The following DMBT1 variants were observed in gnomAD, a reference collection of about 807,000 sequenced individuals.
The protein encoded by DMBT1 is deleted in malignant brain tumors 1.
In DMBT1, 198 loss-of-function variants were observed where a neutral mutation model predicts 252.9. The ratio of observed to expected loss-of-function variants is 0.78; its 90% CI spans 0.70 to 0.88. DMBT1 has a LOEUF of 0.88. DMBT1 is among the 40% of genes least tolerant of loss of function. The pLI is 0.00. For synonymous variants in DMBT1, 990 were observed against 942.7 expected (o/e 1.05, Z -0.92); for missense variants, 2,432 against 2,404.7 (o/e 1.01, Z -0.24).
intron 2 of DMBT1, among the ~76,000 whole-genome samples, chr10:122,569,200 C>T (rs527315407): frequency 3.9e-5 from 6 of 152,272 alleles, no homozygotes; most frequent in Admixed American, 1.3e-4. Context: ...AGCAGCATCA[C>T]GACCACCCCC....
rs146398572 is a variant in DMBT1, at chr10:122,574,427, G to A, written c.283+665G>A. 7.7e-3 allele frequency among the ~76,000 whole-genome samples: 1,170 copies of A among 152,224 alleles called. 14 individuals are homozygous for A. The highest frequency in any genetic ancestry group is 0.025 in the African/African-American group (1,048 of 41,542). ...ACAACATTCTCACCAAGGCCTCTGC[G>A]CTGCCCAGGGTTGGCATGCAGTTGG... On this transcript the variant is annotated intron_variant, in intron 6 of 55. Coordinates refer to ENST00000338354, the MANE Select transcript of DMBT1 (RefSeq NM_001377530.1).
rs2097843816 is a variant in DMBT1, at chr10:122,590,796, T to C, written c.2137+102T>C. 3 of 1,395,632 alleles carry C rather than the reference T, an allele frequency of 2.1e-6. 1 individual carries two copies. The highest frequency in any genetic ancestry group is 1.8e-5 in the Admixed American group (1 of 56,976). The allele number at this position is 1,395,632 out of a possible 1,614,324, so 86.5% of individuals were successfully genotyped here. A position where few individuals can be genotyped will look rare whatever the true frequency, so the allele number is the denominator to read the frequency against. On this transcript the variant is annotated intron_variant, in intron 18 of 55. Transcript: ENST00000338354. ...CTCCTTCTTACCTGTGTGGATACTGTGGGTCATACTATTTTCCCTGCTCTG... is the reference window on the plus strand; with the variant it reads ...CTCCTTCTTACCTGTGTGGATACTGCGGGTCATACTATTTTCCCTGCTCTG...
chr10:122,568,379 G>A (rs1176102097), intron 2 of DMBT1, among the ~76,000 whole-genome samples: 1 of 152,130 alleles, frequency 6.6e-6, no homozygotes, highest in Non-Finnish European at 1.5e-5. Flanking sequence ...CTTCTGGAAA[G>A]TTCTCAGAGT....
chr10:122,572,172 G>A, intron 4 of DMBT1, 142 bp from the exon 5 acceptor site: 3 of 1,137,328 alleles, frequency 2.6e-6, no homozygotes, highest in Non-Finnish European at 4.0e-6. Flanking sequence ...CAGAGTGATT[G>A]GCACATGGTT....
chr10:122,565,874 T>G, intron 1 of DMBT1, 93 bp from the exon 2 acceptor site: 1 of 1,239,766 alleles, frequency 8.1e-7, no homozygotes. Context: ...CGCCCTCTGG[T>G]GTGATTGTAC....
rs766318975 is a variant in DMBT1 at position 122,586,186 on chromosome 10, A to G, written c.1586A>G (p.Asn529Ser). The G allele has an allele frequency of 1.3e-6, 2 of 1,589,240 alleles. No homozygotes were observed. Among genetic ancestry groups the G allele is most frequent in the Non-Finnish European group, 1.7e-6 (2 of 1,166,114 alleles). Reference protein sequence around the residue: ...CDDSWDTNDANVVCRQLGCGW... With the variant: ...CDDSWDTNDASVVCRQLGCGW... The stretch of plus-strand genomic sequence containing the variant: ...GACAGCTGGGACACCAATGATGCCA[A>G]TGTGGTCTGCAGGCAGCTGGGCTGT... The change falls in exon 16 of 56, where the codon AAT becomes AGT. Residue 529 changes from asparagine to serine, a missense_variant. Physicochemically the swap from Asn to Ser is conservative, Grantham distance 46. Around this residue, in one of 3 missense-constraint regions of DMBT1, gnomAD observed 1,264 missense variants for 1,082.2 expected, o/e 1.17. Transcript: ENST00000338354.
intron 25 of DMBT1, 38 bp downstream of exon 25, chr10:122,598,050 C>T: frequency 6.2e-7 from 1 of 1,613,508 alleles, no homozygotes; most frequent in Non-Finnish European, 8.5e-7. Context: ...GGCTCACTCT[C>T]TACCTCTGGA....
At chr10:122,627,208 C>T (rs1225037804) in intron 46 of DMBT1, among the ~76,000 whole-genome samples, 1 of 152,184 alleles carries the variant, frequency 6.6e-6, no homozygotes. Context: ...ATAATGTATC[C>T]TTATTATCTA....
intron 53 of DMBT1, among the ~76,000 whole-genome samples, 192 bp downstream of exon 53, chr10:122,636,391 A>G (rs1024598924): frequency 6.6e-6 from 1 of 152,242 alleles, no homozygotes; most frequent in African/African-American, 2.4e-5. Flanking sequence ...AGTCAGGGCT[A>G]GAACTGGCTG....
At chr10:122,642,199 G>T (rs2742222) in intron 55 of DMBT1, among the ~76,000 whole-genome samples, 1 of 151,198 alleles carries the variant, frequency 6.6e-6, no homozygotes, top group Non-Finnish European at 1.5e-5. Flanking sequence ...AAACAAAAAA[G>T]AAAACTTGGT....
intron 7 of DMBT1, among the ~76,000 whole-genome samples, chr10:122,577,429 T>C (rs2097722459): frequency 6.6e-6 from 1 of 152,136 alleles, no homozygotes; most frequent in South Asian, 2.1e-4. Context: ...GGGGACCTCC[T>C]AGAGTATCAC....
In DMBT1 at chr10:122,642,979, A is replaced by T. The variant is rs77416776; in HGVS notation, c.7353-143A>T. The T allele has an allele frequency of 0.042, 47,310 of 1,124,934 alleles. 1,486 individuals are homozygous for T. The highest frequency in any genetic ancestry group is 0.13 in the South Asian group (8,861 of 66,762). 69.7% of individuals were successfully genotyped at this position (1,124,934 alleles called of 1,614,324 possible). ...AGGCCCCTCAGTGAGTGTCTGATCC[A>T]CACGTTCTGACAGAAGGAAGGTGAG... On this transcript the variant is annotated intron_variant, in intron 55 of 55. Coordinates refer to ENST00000338354, the MANE Select transcript of DMBT1 (RefSeq NM_001377530.1).
Position 122,588,726 on chromosome 10 carries a change from T to G in DMBT1, c.1784-218T>G, listed in dbSNP as rs980161792. ...CTGTCACCTCCACTGGGGTCACAGG[T>G]GCTTCCCCAAAACTTGAGCCTTCAT... On this transcript the variant is annotated intron_variant, in intron 16 of 55. Transcript: ENST00000338354. 5.4e-5 allele frequency among the ~76,000 whole-genome samples: 8 copies of G among 148,812 alleles called. 1 individual carries two copies. The highest frequency in any genetic ancestry group is 1.5e-4 in the African/African-American group (6 of 41,120).
chr10:122,588,901 C>T (rs1356048542), intron 16 of DMBT1, 43 bp from the exon 17 acceptor site: 1 of 1,585,864 alleles, frequency 6.3e-7, no homozygotes, highest in Non-Finnish European at 8.6e-7. Context: ...GATCCTTGAC[C>T]TGCTGATAGG....
In DMBT1 at chr10:122,618,208, C is replaced by T. The variant is rs768792206; in HGVS notation, c.5083C>T (p.Gln1695Ter). The change falls in exon 41 of 56, where the codon CAG becomes TAG. Residue 1695 changes from glutamine to a stop codon, truncating the protein, a stop_gained. Coordinates refer to ENST00000338354, the MANE Select transcript of DMBT1 (RefSeq NM_001377530.1). LOFTEE classifies it high-confidence loss of function. Reference sequence around the variant, plus strand: ...AGCCCCAGGAAATGCCCAGTTTGGCCAGGGCTCAGGACCCATTGTCCTGGA... The same window carrying T: ...AGCCCCAGGAAATGCCCAGTTTGGCTAGGGCTCAGGACCCATTGTCCTGGA... ...MSAPGNAQFGQGSGPIVLDDV... is the reference protein window; with the variant it reads ...MSAPGNAQFG 1.9e-6 allele frequency: 3 copies of T among 1,613,662 alleles called. No individual in the cohort carries two copies. Among genetic ancestry groups the T allele is most frequent in the Non-Finnish European group, 2.5e-6 (3 of 1,179,814 alleles).
In DMBT1 at chr10:122,586,024, T is replaced by G. The variant is rs760024779; in HGVS notation, c.1460-36T>G. On this transcript the variant is annotated intron_variant, in intron 15 of 55. Transcript: ENST00000338354. ...ATTCCTTAGATTCTTGACCTCATGA[T>G]AGGGATGGATGAAGGGTTCTTGTTT... is the stretch of plus-strand genomic sequence containing the variant. The G allele has an allele frequency of 4.4e-6, 7 of 1,587,184 alleles. No homozygotes were observed. In the Admixed American group the frequency reaches 1.2e-4, roughly 27 times the overall value.
intron 17 of DMBT1, 87 bp downstream of exon 17, chr10:122,589,354 G>A: frequency 5.2e-6 from 8 of 1,546,826 alleles, no homozygotes; most frequent in African/African-American, 1.4e-5. Context: ...CTCACTCAGA[G>A]CTTTTTCAAC....
chr10:122,625,284 A>T lies in DMBT1; in HGVS notation c.5616A>T (p.Gln1872His). The T allele has an allele frequency of 1.9e-6, 3 of 1,611,414 alleles. No homozygotes were observed. Among genetic ancestry groups the T allele is most frequent in the East Asian group, 2.2e-5 (1 of 44,846 alleles). ...EDAGVICSAT[Q>H]INSTTTDWWH... ...TTCTTCTTTTCCTTGCAGCCACCCA[A>T]ATAAATTCTACTACGACAGGTGAGT... Residue 1872 changes from glutamine to histidine, a missense_variant, in exon 45 of 56, where the codon CAA (glutamine) becomes CAT (histidine). By Grantham distance (24) the Gln-to-His change is conservative (BLOSUM62 0). Coordinates refer to ENST00000338354, the MANE Select transcript of DMBT1 (RefSeq NM_001377530.1).
At chr10:122,628,566 G>A (rs2098135094) in intron 46 of DMBT1, among the ~76,000 whole-genome samples, 1 of 152,154 alleles carries the variant, frequency 6.6e-6, no homozygotes, top group African/African-American at 2.4e-5. Context: ...AACCCGGGAA[G>A]CGGAGGTTGC....
Sources: gnomAD v4.1 joint callset for allele counts (sites outside exome capture counted in the v4.1 genomes callset) on GRCh38, gnomAD v4.1.1 for gene constraint, gnomAD v4.1.1 regional missense constraint, MANE v1.5 for transcripts, NCBI Gene and HGNC (gene_info 2026-07-23, HGNC 2026-07-21) for gene names.